The following CNTNAP2 variants were observed in gnomAD, a reference collection of about 807,000 sequenced individuals.
CNTNAP2 encodes the protein contactin-associated protein-like 2.
Under a neutral mutation model 155.2 loss-of-function variants are expected in CNTNAP2, and 98 were observed. That is an observed-to-expected ratio of 0.63 (90% CI 0.54 to 0.75). The LOEUF is 0.75. Ranked by LOEUF, CNTNAP2 falls within the 30% of genes least tolerant of loss-of-function variation. The pLI, the probability that CNTNAP2 is intolerant of heterozygous loss-of-function variation, is 0.00. For missense variants in CNTNAP2, 1,727 were observed against 1,688.1 expected (o/e 1.02, Z -0.40); for synonymous variants, 651 against 631.2 (o/e 1.03, Z -0.47).
intron 13 of CNTNAP2, among the ~76,000 whole-genome samples, chr7:147,793,519 A>G (rs892031611): frequency 1.3e-5 from 2 of 152,044 alleles, no homozygotes; most frequent in Admixed American, 6.5e-5. Context: ...TTTCTATTTA[A>G]TTGATCTATA....
intron 1 of CNTNAP2, among the ~76,000 whole-genome samples, chr7:146,147,143 T>C (rs1038929147): frequency 2.0e-5 from 3 of 152,188 alleles, no homozygotes; most frequent in African/African-American, 7.2e-5. Flanking sequence ...CCAGGAATTC[T>C]TCTTTGCTTG....
intron 13 of CNTNAP2, among the ~76,000 whole-genome samples, chr7:147,649,006 G>A (rs189505765): frequency 7.2e-5 from 11 of 152,214 alleles, no homozygotes; most frequent in East Asian, 5.8e-4. Flanking sequence ...TTTCCCTCTT[G>A]TCATTTTCTT....
intron 11 of CNTNAP2, among the ~76,000 whole-genome samples, chr7:147,552,384 T>C (rs1799868056): frequency 6.6e-6 from 1 of 152,216 alleles, no homozygotes; most frequent in African/African-American, 2.4e-5. Flanking sequence ...ATTTTAAAGC[T>C]GTAAATTAGT....
chr7:146,160,824 A>G (rs1798209591), intron 1 of CNTNAP2, among the ~76,000 whole-genome samples: 1 of 152,218 alleles, frequency 6.6e-6, no homozygotes, highest in Non-Finnish European at 1.5e-5. Context: ...TCAACAGAAA[A>G]AGAGGGAATC....
intron 1 of CNTNAP2, among the ~76,000 whole-genome samples, chr7:146,636,411 C>T (rs950826917): frequency 6.6e-6 from 1 of 151,992 alleles, no homozygotes; most frequent in Non-Finnish European, 1.5e-5. Context: ...GGAGGTGTTA[C>T]TAGAAAAAAA....
chr7:147,430,288 A>C (rs1797443557), intron 10 of CNTNAP2, among the ~76,000 whole-genome samples: 3 of 152,328 alleles, frequency 2.0e-5, no homozygotes, highest in Non-Finnish European at 4.4e-5. Context: ...CAGCCTAGGA[A>C]GAAAGAGATT....
intron 13 of CNTNAP2, among the ~76,000 whole-genome samples, chr7:147,680,050 G>A (rs963926490): frequency 3.3e-5 from 5 of 151,224 alleles, no homozygotes; most frequent in African/African-American, 4.9e-5. Context: ...TCTGTAACCT[G>A]TGCCTTCACT....
At chr7:147,311,558 C>T (rs538367905) in intron 9 of CNTNAP2, among the ~76,000 whole-genome samples, 2 of 152,274 alleles carry the variant, frequency 1.3e-5, no homozygotes, top group South Asian at 2.1e-4. Flanking sequence ...GAGCAGCCAA[C>T]TCTGACCTCA....
intron 15 of CNTNAP2, among the ~76,000 whole-genome samples, chr7:148,033,297 C>A (rs955489774): frequency 1.3e-5 from 2 of 152,010 alleles, no homozygotes; most frequent in Admixed American, 6.6e-5. Context: ...CTTCCTCCTA[C>A]TCCACCCCCA....
intron 12 of CNTNAP2, among the ~76,000 whole-genome samples, chr7:147,633,134 G>A (rs1247040841): frequency 6.6e-6 from 1 of 152,230 alleles, no homozygotes; most frequent in Non-Finnish European, 1.5e-5. Context: ...GGGACATGGT[G>A]CCCAGCATCC....
chr7:147,126,123 C>T (rs1801229280), intron 6 of CNTNAP2, among the ~76,000 whole-genome samples: 1 of 152,120 alleles, frequency 6.6e-6, no homozygotes, highest in Admixed American at 6.5e-5. Context: ...CCAAAACTGG[C>T]TTCAAAGAAG....
chr7:147,570,675 G>T (rs955450667), intron 12 of CNTNAP2, among the ~76,000 whole-genome samples: 1 of 152,136 alleles, frequency 6.6e-6, no homozygotes, highest in Admixed American at 6.5e-5. Flanking sequence ...TCACAAGGTG[G>T]GTAATACTAT....
chr7:147,659,417 G>A (rs531451320), intron 13 of CNTNAP2, among the ~76,000 whole-genome samples: 2 of 152,298 alleles, frequency 1.3e-5, no homozygotes, highest in Admixed American at 6.5e-5. Flanking sequence ...CAGCAGAAAC[G>A]TCTTACGACA....
chr7:146,614,098 C>T (rs918878539), intron 1 of CNTNAP2, among the ~76,000 whole-genome samples: 13 of 152,054 alleles, frequency 8.5e-5, no homozygotes, highest in Middle Eastern at 3.4e-3. Flanking sequence ...TATTATGACC[C>T]GTGAGTCCTA....
intron 8 of CNTNAP2, among the ~76,000 whole-genome samples, chr7:147,278,729 A>T (rs1416823488): frequency 6.6e-6 from 1 of 151,572 alleles, no homozygotes; most frequent in Non-Finnish European, 1.5e-5. Context: ...AATTGTCTCC[A>T]TTATATAGCT....
intron 1 of CNTNAP2, among the ~76,000 whole-genome samples, chr7:146,426,205 A>AG (rs1223121881): frequency 6.7e-6 from 1 of 149,182 alleles, no homozygotes; most frequent in Non-Finnish European, 1.5e-5. Context: ...AAAAAAAAAA[A>AG]AAAAATTAAA....
chr7:146,404,018 G>GGGA (rs1011899682), intron 1 of CNTNAP2, among the ~76,000 whole-genome samples: 2 of 149,704 alleles, frequency 1.3e-5, no homozygotes, highest in African/African-American at 5.0e-5. Flanking sequence ...CCAGCTACTT[G>GGGA]GGAGGCTGAG....
At chr7:147,865,517 T>C (rs1247150699) in intron 13 of CNTNAP2, among the ~76,000 whole-genome samples, 3 of 152,212 alleles carry the variant, frequency 2.0e-5, no homozygotes, top group African/African-American at 7.2e-5. Flanking sequence ...AGCTCCTCTT[T>C]GTACCTCTGG....
chr7:147,961,661 C>G (rs1801122220), intron 14 of CNTNAP2, among the ~76,000 whole-genome samples: 1 of 152,156 alleles, frequency 6.6e-6, no homozygotes, highest in Non-Finnish European at 1.5e-5. Flanking sequence ...CCAGCTTGAA[C>G]AGATTAGTTA....
Sources: gnomAD v4.1 joint callset for allele counts (sites outside exome capture counted in the v4.1 genomes callset) on GRCh38, gnomAD v4.1.1 for gene constraint, MANE v1.5 for transcripts, NCBI Gene and HGNC (gene_info 2026-07-23, HGNC 2026-07-21) for gene names.